Variants in RBM25 observed in about 807,000 individuals in gnomAD.
RBM25 encodes the protein RNA binding motif protein 25.
RBM25 carries 19 observed loss-of-function variants against 120.7 expected under a neutral mutation model. That is an observed-to-expected ratio of 0.16 (90% CI 0.11 to 0.23). The LOEUF is 0.23. Among genes scored for constraint, RBM25 ranks in the 10% least tolerant of loss-of-function variants. The probability of loss-of-function intolerance (pLI) is 1.00; values close to 1 mark genes in which losing one functional copy is unlikely to be tolerated. For synonymous variants in RBM25, 390 were observed against 326.7 expected, an observed-to-expected ratio of 1.19 and a Z score of -2.09; for missense variants, 605 against 1,041.5, an observed-to-expected ratio of 0.58 and a Z score of 5.77.
chr14:73,061,424 A>C (rs1895003668), intron 1 of RBM25, among the ~76,000 whole-genome samples: 1 of 151,344 alleles, frequency 6.6e-6, no homozygotes, highest in Non-Finnish European at 1.5e-5. Context: ...TAAGTGCACA[A>C]TTCAATGATT....
chr14:73,107,773 T>G (rs1896221584), intron 12 of RBM25, 53 bp from the exon 13 acceptor site: 1 of 1,307,894 alleles, frequency 7.6e-7, no homozygotes, highest in South Asian at 1.3e-5. Flanking sequence ...AAGGGAAGAG[T>G]AATCTTTATT....
chr14:73,095,949 TA>T (rs1457872596), intron 6 of RBM25, among the ~76,000 whole-genome samples: 2 of 152,172 alleles, frequency 1.3e-5, no homozygotes, highest in Non-Finnish European at 2.9e-5. Context: ...TTTCCCCACA[TA>T]GAGGGAATAA....
intron 7 of RBM25, 95 bp from the exon 8 acceptor site, chr14:73,099,285 T>G: frequency 9.1e-7 from 1 of 1,094,346 alleles, no homozygotes; most frequent in Non-Finnish European, 1.3e-6. Flanking sequence ...TGTACTGTAT[T>G]GTTCACGTCA....
chr14:73,068,721 C>T, intron 1 of RBM25: 1 of 299,126 alleles, frequency 3.3e-6, no homozygotes, highest in Non-Finnish European at 6.6e-6. Flanking sequence ...CCTCTCATTA[C>T]TGCAGCCACC....
chr14:73,115,591 A>G (rs927863507), intron 18 of RBM25, among the ~76,000 whole-genome samples: 1 of 152,156 alleles, frequency 6.6e-6, no homozygotes, highest in Non-Finnish European at 1.5e-5. Flanking sequence ...TAAACATCAA[A>G]TCCCCGTTGC....
chr14:73,062,638 A>C (rs1895030193), intron 1 of RBM25, among the ~76,000 whole-genome samples: 1 of 151,506 alleles, frequency 6.6e-6, no homozygotes, highest in Admixed American at 6.6e-5. Context: ...AGAAAAGCTG[A>C]GTGCATGCAT....
At position 73,109,338 on chromosome 14, in the gene RBM25, A is replaced by G; in HGVS notation, c.1542-4A>G. The G allele has an allele frequency of 6.2e-7, 1 of 1,611,218 alleles. No individual in the cohort carries two copies. Among genetic ancestry groups the G allele is most frequent in the South Asian group, 1.1e-5 (1 of 90,810 alleles). The stretch of plus-strand genomic sequence containing the variant: ...ATGAAGCCTTTTATCATTCACTTTT[A>G]CAGAGGAAGTGCTCTTCAGAAAAGG... On this transcript the variant is annotated splice_region_variant and splice_polypyrimidine_tract_variant and intron_variant, in intron 13 of 18. Coordinates refer to ENST00000261973, the MANE Select transcript of RBM25 (RefSeq NM_021239.3).
chr14:73,094,810 GGTGTGTGTGT>G lies in RBM25; in HGVS notation c.544-2082_544-2073del, dbSNP rs60336075. ...CAAAATGCTGGGATTACAGGAGCGA[GGTGTGTGTGT>G]GTGTGTGTGTGTGTGTGTGTGTCTG... On this transcript the variant is annotated intron_variant, in intron 6 of 18. Transcript: ENST00000261973. Among the ~76,000 whole-genome samples, 38 of 145,274 alleles carry G rather than the reference GGTGTGTGTGT, an allele frequency of 2.6e-4. 1 individual carries two copies. The highest frequency in any genetic ancestry group is 2.0e-3 in the South Asian group (9 of 4,400).
intron 9 of RBM25, 200 bp from the exon 10 acceptor site, chr14:73,102,992 T>G: frequency 1.8e-6 from 2 of 1,100,686 alleles, no homozygotes; most frequent in Admixed American, 2.7e-5. Context: ...TCCTGGTCTG[T>G]GTAGAGTATA....
chr14:73,113,063 A>G (rs1373628461), intron 17 of RBM25, among the ~76,000 whole-genome samples: 2 of 151,976 alleles, frequency 1.3e-5, no homozygotes, highest in East Asian at 3.9e-4. Flanking sequence ...TACATGTGCC[A>G]TGGTGGTTTG....
rs1364099650 is a variant in RBM25, at chr14:73,111,647, G to A, written c.2137G>A (p.Val713Ile). ...TGACGTACCCCGAAAAAGGAAACTG[G>A]TTCCCTTGGATTATGGTGAAGATGA... ...SDDVPRKRKLVPLDYGEDDKN... is the reference protein window; with the variant it reads ...SDDVPRKRKLIPLDYGEDDKN... Residue 713 changes from valine to isoleucine, a missense_variant, in exon 16 of 19, where the codon GTT becomes ATT. Around this residue, in one of 4 missense-constraint regions of RBM25, gnomAD observed 465 missense variants for 741.6 expected, o/e 0.63. Coordinates refer to ENST00000261973, the MANE Select transcript of RBM25 (RefSeq NM_021239.3). The A allele has an allele frequency of 1.9e-6, 3 of 1,613,980 alleles. No homozygotes were observed. Among genetic ancestry groups the A allele is most frequent in the African/African-American group, 1.3e-5 (1 of 74,902 alleles).
intron 10 of RBM25, among the ~76,000 whole-genome samples, chr14:73,103,934 TCTCTCTCTCTCTCTCACACACACACACA>T (rs1481817020): frequency 3.3e-3 from 198 of 59,216 alleles, no homozygotes; most frequent in African/African-American, 0.01. Context: ...TCTCTCTCTC[TCTCTCTCTCTCTCTCACACACACACACA>T]CACACACACA....
chr14:73,059,938 C>T lies in RBM25; in HGVS notation c.-16+1233C>T, dbSNP rs1894960801. ...AATCCTTCGTGCAGTATCCAGGTAACACACATAAGCATTTAAATCTATATT... is the reference window on the plus strand; with the variant it reads ...AATCCTTCGTGCAGTATCCAGGTAATACACATAAGCATTTAAATCTATATT... On this transcript the variant is annotated intron_variant, in intron 1 of 18. Transcript: ENST00000261973. Among the ~76,000 whole-genome samples, 3 of 152,150 alleles carry T rather than the reference C, an allele frequency of 2.0e-5. No homozygotes were observed. The South Asian group carries it at 6.2e-4, about 32-fold the overall frequency.
At chr14:73,119,546 T>A (rs1241580638) in intron 18 of RBM25, among the ~76,000 whole-genome samples, 167 bp from the exon 19 acceptor site, 2 of 152,228 alleles carry the variant, frequency 1.3e-5, no homozygotes, top group African/African-American at 4.8e-5. Flanking sequence ...ATTACAGGCG[T>A]GAGCCACCAC....
chr14:73,103,340 A>AAGAACGGGAGCGGGAACG lies in RBM25; in HGVS notation c.1026_1043dup (p.Glu342_Arg347dup). 6.3e-7 allele frequency: 1 copy of AAGAACGGGAGCGGGAACG among 1,594,982 alleles called. No homozygotes were observed. The highest frequency in any genetic ancestry group is 1.1e-5 in the South Asian group (1 of 88,830). ...AGAGAACGTGAACGAGAAAAGGAGA[A>AAGAACGGGAGCGGGAACG]AGAACGGGAGCGGGAACGAGAACGG... is the stretch of plus-strand genomic sequence containing the variant. On this transcript the variant is annotated inframe_insertion, in exon 10 of 19. Coordinates refer to ENST00000261973, the MANE Select transcript of RBM25 (RefSeq NM_021239.3).
Position 73,119,868 on chromosome 14 carries a change from ATTTTTC to A in RBM25, c.*67_*72del. On this transcript the variant is annotated 3_prime_UTR_variant, in exon 19 of 19. Transcript: ENST00000261973. ...TTTGCCACCCTTTTAAGGACTTTGA[ATTTTTC>A]TTTGTCTTTGAAGACATTGTGAGAT... 1 of 1,534,142 alleles carries A rather than the reference ATTTTTC, an allele frequency of 6.5e-7. No homozygotes were observed. Among genetic ancestry groups the A allele is most frequent in the Non-Finnish European group, 8.7e-7 (1 of 1,152,456 alleles).
At chr14:73,093,422 T>C (rs1207648816) in intron 6 of RBM25, among the ~76,000 whole-genome samples, 3 of 152,244 alleles carry the variant, frequency 2.0e-5, no homozygotes, top group Non-Finnish European at 4.4e-5. Flanking sequence ...AGGTGGGCCA[T>C]GTAAACATTA....
chr14:73,083,449 T>C, intron 4 of RBM25, 45 bp from the exon 5 acceptor site: 1 of 1,427,138 alleles, frequency 7.0e-7, no homozygotes, highest in Non-Finnish European at 9.4e-7. Flanking sequence ...TTAAAAATTA[T>C]TTTGTTAAAT....
intron 10 of RBM25, among the ~76,000 whole-genome samples, chr14:73,104,592 CCTGAG>C (rs989212038): frequency 1.4e-4 from 21 of 152,016 alleles, no homozygotes; most frequent in African/African-American, 5.1e-4. Flanking sequence ...GTCTCGAACT[CCTGAG>C]CTCAGGTAAT....
Sources: allele counts gnomAD v4.1 joint callset (sites outside exome capture counted in the v4.1 genomes callset), GRCh38; gene constraint gnomAD v4.1.1; regional missense constraint gnomAD v4.1.1; transcripts MANE v1.5; gene names NCBI Gene and HGNC (gene_info 2026-07-23, HGNC 2026-07-21).